ZMYND8: variants seen among roughly 807,000 people sequenced by gnomAD.
ZMYND8 encodes zinc finger MYND-type containing 8.
Under a neutral mutation model 140.8 loss-of-function variants are expected in ZMYND8, and 37 were observed. The observed-to-expected ratio is 0.26, with a 90% confidence interval of 0.20 to 0.35. The LOEUF (loss-of-function observed/expected upper bound fraction) is 0.35, where lower values mean the gene tolerates loss of function less well. Ranked by LOEUF, ZMYND8 falls within the 10% of genes least tolerant of loss-of-function variation. The pLI, the probability that ZMYND8 is intolerant of heterozygous loss-of-function variation, is 1.00. For missense variants in ZMYND8, 1,068 were observed against 1,570.0 expected, an observed-to-expected ratio of 0.68 and a Z score of 5.40; for synonymous variants, 592 against 597.1, an observed-to-expected ratio of 0.99 and a Z score of 0.12.
chr20:47,217,671 TTAA>T (rs2036322650), intron 21 of ZMYND8, among the ~76,000 whole-genome samples: 1 of 151,800 alleles, frequency 6.6e-6, no homozygotes, highest in Admixed American at 6.6e-5. Context: ...GGCATCTGAG[TTAA>T]TGTCTCTGGA....
intron 2 of ZMYND8, among the ~76,000 whole-genome samples, chr20:47,346,309 A>C (rs1046673771): frequency 6.6e-6 from 1 of 152,116 alleles, no homozygotes; most frequent in Non-Finnish European, 1.5e-5. Context: ...CCTCTGTGAG[A>C]AGGTACCTTC....
intron 3 of ZMYND8, among the ~76,000 whole-genome samples, chr20:47,301,874 G>C (rs533564934): frequency 6.6e-6 from 1 of 152,292 alleles, no homozygotes; most frequent in African/African-American, 2.4e-5. Flanking sequence ...GACCCAGTGG[G>C]AGGTAATTGA....
At chr20:47,265,051 TAC>T (rs1175187283) in intron 11 of ZMYND8, among the ~76,000 whole-genome samples, 18 of 105,374 alleles carry the variant, frequency 1.7e-4, no homozygotes, top group African/African-American at 9.7e-4. Flanking sequence ...AAAATATATA[TAC>T]ATATATATAT....
intron 7 of ZMYND8, among the ~76,000 whole-genome samples, chr20:47,288,626 G>A (rs1354278290): frequency 6.6e-6 from 1 of 151,948 alleles, no homozygotes; most frequent in Non-Finnish European, 1.5e-5. Flanking sequence ...ACCCCTGACT[G>A]AAGTGATCCG....
chr20:47,225,415 G>T (rs2037536666), intron 18 of ZMYND8, among the ~76,000 whole-genome samples: 1 of 151,012 alleles, frequency 6.6e-6, no homozygotes, highest in Admixed American at 6.6e-5. Context: ...ACAAAAATTA[G>T]CTAGGCGCGA....
chr20:47,332,056 T>A (rs1230827843), intron 2 of ZMYND8, among the ~76,000 whole-genome samples: 1 of 150,736 alleles, frequency 6.6e-6, no homozygotes, highest in Non-Finnish European at 1.5e-5. Flanking sequence ...ACAAAAAGTG[T>A]AAAAAATACA....
intron 2 of ZMYND8, among the ~76,000 whole-genome samples, chr20:47,346,537 C>G (rs936316818): frequency 6.6e-6 from 1 of 152,172 alleles, no homozygotes; most frequent in South Asian, 2.1e-4. Context: ...TGCCAGAGAT[C>G]AGCAGCCAGC....
At chr20:47,319,490 C>T (rs1028560809) in intron 2 of ZMYND8, 1 of 188,748 alleles carries the variant, frequency 5.3e-6, no homozygotes, top group Admixed American at 5.3e-5. Flanking sequence ...TGAGAAAACC[C>T]ATCTTTTATA....
In ZMYND8 at chr20:47,246,475, T is replaced by G; in HGVS notation, c.1817A>C (p.His606Pro). The G allele has an allele frequency of 6.2e-7, 1 of 1,613,292 alleles. No homozygotes were observed. The highest frequency in any genetic ancestry group is 1.1e-5 in the South Asian group (1 of 91,018). Reference protein sequence around the residue: ...ISEDVYTAVEHSDSEDSEKSD... With the variant: ...ISEDVYTAVEPSDSEDSEKSD... ...CTTCTCAGAATCCTCCGAATCGCTG[T>G]GCTCTACGGCCGTATAGACATCTTC... Residue 606 changes from histidine to proline, a missense_variant, in exon 14 of 23, where the codon CAC (histidine) becomes CCC (proline). Around this residue, in one of 10 missense-constraint regions of ZMYND8, gnomAD observed 383 missense variants for 431.2 expected, o/e 0.89. Coordinates refer to ENST00000471951, the MANE Select transcript of ZMYND8 (RefSeq NM_001281775.3).
chr20:47,321,856 CTT>C (rs60425976), intron 2 of ZMYND8, among the ~76,000 whole-genome samples: 35 of 123,448 alleles, frequency 2.8e-4, no homozygotes, highest in African/African-American at 6.6e-4. Flanking sequence ...ACTCGCCGCC[CTT>C]TTTTTTTTTT....
chr20:47,351,363 A>C (rs2148627417), intron 1 of ZMYND8, among the ~76,000 whole-genome samples: 1 of 152,264 alleles, frequency 6.6e-6, no homozygotes, highest in Non-Finnish European at 1.5e-5. Context: ...CTTTTCCCCA[A>C]GTGCCCCTAC....
chr20:47,228,216 G>A (rs2037974324), intron 17 of ZMYND8, among the ~76,000 whole-genome samples: 1 of 152,076 alleles, frequency 6.6e-6, no homozygotes, highest in Non-Finnish European at 1.5e-5. Flanking sequence ...AGTCATTTGC[G>A]GTTGTCACAA....
chr20:47,238,409 G>T, intron 15 of ZMYND8: 1 of 371,162 alleles, frequency 2.7e-6, no homozygotes, highest in East Asian at 6.3e-5. Context: ...TACATGCATA[G>T]AAAAGCTTTT....
At chr20:47,343,479 T>C (rs995795703) in intron 2 of ZMYND8, among the ~76,000 whole-genome samples, 3 of 152,052 alleles carry the variant, frequency 2.0e-5, no homozygotes, top group Non-Finnish European at 4.4e-5. Flanking sequence ...AATAAATACA[T>C]GAGGGAGAAA....
Position 47,298,597 on chromosome 20 carries a change from G to A in ZMYND8, c.453+132C>T. 2 of 1,493,844 alleles carry A rather than the reference G, an allele frequency of 1.3e-6. No individual in the cohort carries two copies. The highest frequency in any genetic ancestry group is 1.8e-6 in the Non-Finnish European group (2 of 1,121,510). The allele number at this position is 1,493,844 out of a possible 1,614,324, so 92.5% of individuals were successfully genotyped here. ...TGTTGGTCAAGAAGGGGGTGACCAG[G>A]ATAGAACAGGTGGAAAGCAAGAAAT... On this transcript the variant is annotated intron_variant, in intron 4 of 22. Coordinates refer to ENST00000471951, the MANE Select transcript of ZMYND8 (RefSeq NM_001281775.3). This position sits in a 1 kb window ranked among gnomAD's most constrained non-coding sequence, Gnocchi z 5.0.
chr20:47,306,276 T>G (rs1208718183), intron 3 of ZMYND8, among the ~76,000 whole-genome samples: 1 of 151,798 alleles, frequency 6.6e-6, no homozygotes, highest in African/African-American at 2.4e-5. Flanking sequence ...GTGCCGATAG[T>G]CCCAGCTACT....
At chr20:47,291,244 C>A (rs1235753062) in intron 6 of ZMYND8, among the ~76,000 whole-genome samples, 1 of 152,156 alleles carries the variant, frequency 6.6e-6, no homozygotes, top group Non-Finnish European at 1.5e-5. Flanking sequence ...TATTTTGCTG[C>A]AAATAGTTGG....
At chr20:47,215,240 G>A (rs907683156) in intron 21 of ZMYND8, among the ~76,000 whole-genome samples, 6 of 152,152 alleles carry the variant, frequency 3.9e-5, no homozygotes, top group African/African-American at 1.4e-4. Flanking sequence ...GGGCGTGGTG[G>A]TGTATTCCTG....
chr20:47,281,635 T>C (rs1435055323), intron 10 of ZMYND8, among the ~76,000 whole-genome samples: 1 of 152,040 alleles, frequency 6.6e-6, no homozygotes, highest in Non-Finnish European at 1.5e-5. Context: ...CCCTTATAAC[T>C]TCCCACTGTA....
Sources: gnomAD v4.1 joint callset for allele counts (sites outside exome capture counted in the v4.1 genomes callset) on GRCh38, gnomAD v4.1.1 for gene constraint, gnomAD v4.1.1 regional missense constraint, Gnocchi (gnomAD v3.1) non-coding constraint, MANE v1.5 for transcripts, NCBI Gene and HGNC (gene_info 2026-07-23, HGNC 2026-07-21) for gene names.